The following SLCO1A2 variants were observed in gnomAD, a reference collection of about 807,000 sequenced individuals.
SLCO1A2 encodes the protein OATP-1.
Under a neutral mutation model 69.0 loss-of-function variants are expected in SLCO1A2, and 67 were observed. That is an observed-to-expected ratio of 0.97 (90% CI 0.80 to 1.19). SLCO1A2 has a LOEUF of 1.19. SLCO1A2 is among the 50% of genes most tolerant of loss of function. The pLI is 0.00. For synonymous variants in SLCO1A2, 260 were observed against 265.9 expected (o/e 0.98, Z 0.22); for missense variants, 787 against 793.7 (o/e 0.99, Z 0.10).
intron 1 of SLCO1A2, 40 bp from the exon 2 acceptor site, chr12:21,334,749 A>C: frequency 3.4e-6 from 3 of 890,958 alleles, no homozygotes; most frequent in Non-Finnish European, 5.2e-6. Context: ...TTAACTACAA[A>C]ATTGTAAAGC....
At chr12:21,275,877 G>C (rs1943729782) in intron 12 of SLCO1A2, among the ~76,000 whole-genome samples, 1 of 152,086 alleles carries the variant, frequency 6.6e-6, no homozygotes. Flanking sequence ...GGGAGGCAGA[G>C]GTTGCAATGA....
chr12:21,404,750 C>A (rs1031196300), intron 1 of SLCO1A2, among the ~76,000 whole-genome samples: 9 of 151,956 alleles, frequency 5.9e-5, no homozygotes, highest in African/African-American at 1.9e-4. Flanking sequence ...GGATATATAC[C>A]CACTAAAGGG....
chr12:21,395,921 GA>G, upstream of SLCO1A2, among the ~76,000 whole-genome samples: 1 of 150,926 alleles, frequency 6.6e-6, no homozygotes. Flanking sequence ...CAAAGATGGG[GA>G]AAAAACAGAA....
At chr12:21,372,230 A>C (rs1276401346) in intron 2 of SLCO1A2, among the ~76,000 whole-genome samples, 2 of 152,158 alleles carry the variant, frequency 1.3e-5, no homozygotes, top group Non-Finnish European at 1.5e-5. Flanking sequence ...TCCAAAAACT[A>C]CTTGACTACA....
rs1287180141 is a variant in SLCO1A2 at position 21,408,723 on chromosome 12, T to C, written c.-312+9159A>G. 4.8e-4 allele frequency among the ~76,000 whole-genome samples: 47 copies of C among 98,224 alleles called. 1 individual carries two copies. Among genetic ancestry groups the C allele is most frequent in the African/African-American group, 1.7e-3 (45 of 26,284 alleles). The allele number at this position is 98,224 out of a possible 152,430, so 64.4% of individuals were successfully genotyped here. On this transcript the variant is annotated intron_variant, in intron 1 of 4. Transcript: ENST00000413682. ...CTGCCTCAGCGCATGCGTGTGTGTG[T>C]GTGTGTGTGTGTGTGTGTGTGTGTG...
chr12:21,308,247 G>A (rs772248099), intron 4 of SLCO1A2, among the ~76,000 whole-genome samples: 7 of 152,122 alleles, frequency 4.6e-5, no homozygotes, highest in Non-Finnish European at 7.4e-5. Context: ...ATGGGGAAAG[G>A]CATGATTCCA....
intron 2 of SLCO1A2, among the ~76,000 whole-genome samples, chr12:21,353,532 G>C (rs1012357167): frequency 4.6e-5 from 7 of 152,054 alleles, no homozygotes; most frequent in African/African-American, 1.7e-4. Context: ...CAGTGGCTTT[G>C]GTAGGAGATA....
intron 3 of SLCO1A2, 77 bp downstream of exon 3, chr12:21,318,705 T>C: frequency 7.7e-7 from 1 of 1,296,680 alleles, no homozygotes; most frequent in Non-Finnish European, 1.1e-6. Flanking sequence ...AAACAGCAAA[T>C]AAGGAGAATA....
chr12:21,292,242 T>G lies in SLCO1A2; in HGVS notation c.1532A>C (p.Gln511Pro), dbSNP rs1398618167. The change falls in exon 12 of 15, where the codon CAG becomes CCG. Residue 511 changes from glutamine to proline, a missense_variant. By Grantham distance (76) the Gln-to-Pro change is moderately conservative. Transcript: ENST00000683939. Reference protein sequence around the residue: ...DKGPDCSLMLQYFLILSAMSS... With the variant: ...DKGPDCSLMLPYFLILSAMSS... ...CATCGCTGACAAGATTAGGAAGTAC[T>G]GGAGCATCAAGGAACAGTCAGGTCC... 1 of 1,613,176 alleles carries G rather than the reference T, an allele frequency of 6.2e-7. No homozygotes were observed. Among genetic ancestry groups the G allele is most frequent in the Non-Finnish European group, 8.5e-7 (1 of 1,179,476 alleles).
intron 12 of SLCO1A2, among the ~76,000 whole-genome samples, chr12:21,284,010 C>CA (rs1189655064): frequency 1.3e-5 from 2 of 152,036 alleles, no homozygotes; most frequent in Non-Finnish European, 2.9e-5. Context: ...GGAGGTTCCT[C>CA]AAAAAACTCA....
intron 2 of SLCO1A2, among the ~76,000 whole-genome samples, chr12:21,352,121 C>T (rs1052310539): frequency 6.6e-6 from 1 of 152,112 alleles, no homozygotes; most frequent in African/African-American, 2.4e-5. Flanking sequence ...ATTGCATCAC[C>T]CCCATACTCA....
intron 12 of SLCO1A2, among the ~76,000 whole-genome samples, chr12:21,290,508 C>G (rs549453582): frequency 3.9e-5 from 6 of 151,996 alleles, no homozygotes; most frequent in African/African-American, 1.4e-4. Flanking sequence ...AATAGACTCA[C>G]TAATTATAAA....
At chr12:21,271,076 G>A (rs969753996) in intron 14 of SLCO1A2, among the ~76,000 whole-genome samples, 5 of 151,724 alleles carry the variant, frequency 3.3e-5, no homozygotes, top group African/African-American at 1.2e-4. Flanking sequence ...TGGTAATCCA[G>A]TATAACCACA....
intron 4 of SLCO1A2, among the ~76,000 whole-genome samples, chr12:21,308,383 C>T (rs1162650089): frequency 1.3e-5 from 2 of 152,122 alleles, no homozygotes; most frequent in African/African-American, 2.4e-5. Flanking sequence ...TAAGTGCCTG[C>T]AAGGAAGCAA....
intron 12 of SLCO1A2, among the ~76,000 whole-genome samples, chr12:21,281,615 G>C (rs1377900623): frequency 1.3e-5 from 2 of 151,704 alleles, no homozygotes; most frequent in Admixed American, 1.3e-4. Flanking sequence ...CAAAACAAAA[G>C]AAATAGTTAT....
intron 2 of SLCO1A2, among the ~76,000 whole-genome samples, chr12:21,331,702 GA>G (rs796997156): frequency 2.7e-5 from 4 of 150,546 alleles, no homozygotes; most frequent in African/African-American, 7.3e-5. Context: ...TTACAGGCAG[GA>G]AAAAAAAAGC....
At position 21,287,195 on chromosome 12, in the gene SLCO1A2, G is replaced by A. The variant is rs1221459117; in HGVS notation, c.1610+4969C>T. Among the ~76,000 whole-genome samples the A allele has an allele frequency of 9.1e-5, 13 of 142,104 alleles. 1 individual carries two copies. The highest frequency in any genetic ancestry group is 3.5e-4 in the African/African-American group (13 of 37,012). The allele number at this position is 142,104 out of a possible 152,430, so 93.2% of individuals were successfully genotyped here. A position where few individuals can be genotyped will look rare whatever the true frequency, so the allele number is the denominator to read the frequency against. The stretch of plus-strand genomic sequence containing the variant: ...AACAAACAACCCCATCAAAAAGTGG[G>A]CAAAGGACATGAACAGACACTTCTC... On this transcript the variant is annotated intron_variant, in intron 12 of 14. Coordinates refer to ENST00000683939, the MANE Select transcript of SLCO1A2 (RefSeq NM_001386879.1).
intron 2 of SLCO1A2, among the ~76,000 whole-genome samples, chr12:21,343,106 C>G (rs1447900213): frequency 1.3e-5 from 2 of 152,040 alleles, no homozygotes; most frequent in African/African-American, 4.8e-5. Context: ...ACTGTGGCAC[C>G]AGATGTGGAA....
upstream of SLCO1A2, among the ~76,000 whole-genome samples, chr12:21,336,362 A>G (rs970208793): frequency 2.0e-5 from 3 of 152,036 alleles, no homozygotes; most frequent in Non-Finnish European, 4.4e-5. Flanking sequence ...GGAATTCTAT[A>G]TAGTTCCCTC....
Sources: gnomAD v4.1 joint callset for allele counts (sites outside exome capture counted in the v4.1 genomes callset) on GRCh38, gnomAD v4.1.1 for gene constraint, MANE v1.5 for transcripts, NCBI Gene and HGNC (gene_info 2026-07-23, HGNC 2026-07-21) for gene names.